The following SYT16 variants were observed in gnomAD, a reference collection of about 807,000 sequenced individuals.
SYT16 encodes synaptotagmin 16.
SYT16 carries 42 observed loss-of-function variants against 61.4 expected under a neutral mutation model. The observed-to-expected ratio is 0.68, with a 90% CI of 0.53 to 0.89. SYT16 has a LOEUF of 0.89. Among genes scored for constraint, SYT16 ranks in the 40% least tolerant of loss-of-function variants. SYT16 has a pLI of 0.00. For missense variants in SYT16, 804 were observed against 807.3 expected (o/e 1.00, Z 0.05); for synonymous variants, 314 against 302.3 (o/e 1.04, Z -0.40).
intron 1 of SYT16, among the ~76,000 whole-genome samples, chr14:61,948,826 G>C (rs2050552472): frequency 6.6e-6 from 1 of 152,178 alleles, no homozygotes; most frequent in East Asian, 1.9e-4. Context: ...TGGTTGAAGT[G>C]ATAGGAAGAG....
At chr14:61,852,689 G>A (rs1211363498) in intron 1 of SYT16, among the ~76,000 whole-genome samples, 1 of 152,070 alleles carries the variant, frequency 6.6e-6, no homozygotes, top group Non-Finnish European at 1.5e-5. Context: ...AATTGTGAGT[G>A]GCAATTCATT....
rs566172189 is a variant in SYT16 at position 61,979,702 on chromosome 14, T to A, written c.-145+9391T>A. 2.6e-5 allele frequency among the ~76,000 whole-genome samples: 4 copies of A among 152,182 alleles called. No individual in the cohort carries two copies. In the South Asian group the frequency reaches 8.3e-4, roughly 32 times the overall value. ...ATCGAGATCATCCTGGCCAACATGG[T>A]GAAACCCCGTCTCTACTAAAAATAC... On this transcript the variant is annotated intron_variant, in intron 2 of 7. Coordinates refer to ENST00000683842, the MANE Select transcript of SYT16 (RefSeq NM_001367656.1).
chr14:62,050,233 T>C (rs58502467), intron 3 of SYT16, among the ~76,000 whole-genome samples: 10,651 of 152,264 alleles, frequency 0.07, 473 homozygotes, highest in East Asian at 0.12. Flanking sequence ...TGTCTTCCTT[T>C]GCTGATACCC....
chr14:62,013,887 C>T (rs1338350267), intron 3 of SYT16, among the ~76,000 whole-genome samples: 1 of 151,952 alleles, frequency 6.6e-6, no homozygotes, highest in East Asian at 1.9e-4. Context: ...TTGCTTGAAC[C>T]TGGGAGGCGG....
At chr14:62,087,656 T>G in intron 7 of SYT16, among the ~76,000 whole-genome samples, 1 of 152,180 alleles carries the variant, frequency 6.6e-6, no homozygotes, top group East Asian at 1.9e-4. Context: ...TCAAAATATA[T>G]CATAAAACAA....
chr14:62,040,012 C>G (rs1186303808), intron 3 of SYT16, among the ~76,000 whole-genome samples: 2 of 152,016 alleles, frequency 1.3e-5, no homozygotes, highest in Admixed American at 1.3e-4. Context: ...AATCTAGCAG[C>G]AATCTTGGTT....
chr14:61,874,963 G>A (rs1196228322), intron 1 of SYT16, among the ~76,000 whole-genome samples: 1 of 152,072 alleles, frequency 6.6e-6, no homozygotes, highest in Admixed American at 6.5e-5. Context: ...TTCTCTTTGG[G>A]GAGAGTTTTA....
intron 1 of SYT16, among the ~76,000 whole-genome samples, chr14:61,900,158 CTTTTT>C (rs5809128): frequency 1.9e-5 from 2 of 106,732 alleles, no homozygotes; most frequent in Admixed American, 9.6e-5. Flanking sequence ...TAAATTTCTG[CTTTTT>C]TTTTTTTTTT....
rs777068453 is a variant in SYT16 at position 62,081,058 on chromosome 14, A to G, written c.1218A>G (p.Ile406Met). 5 of 1,613,618 alleles carry G rather than the reference A, an allele frequency of 3.1e-6. No individual in the cohort carries two copies. Among genetic ancestry groups the G allele is most frequent in the Admixed American group, 3.3e-5 (2 of 59,960 alleles). Residue 406 changes from isoleucine (I) to methionine (M), a missense_variant, in exon 6 of 8, where the codon ATA becomes ATG. Physicochemically the swap from Ile to Met is conservative, Grantham distance 10 (BLOSUM62 1). Transcript: ENST00000683842. ...AGAAACACAGGGGCAGGACGAACAT[A>G]CAGAGAGGGCCCAACCCCGTCTTCA... ...PGKKHRGRTN[I>M]QRGPNPVFRE...
chr14:61,831,859 T>C, intron 1 of SYT16: 1 of 438,522 alleles, frequency 2.3e-6, no homozygotes, highest in Non-Finnish European at 4.4e-6. Context: ...GGACAGCATC[T>C]CTCACTTCTT....
chr14:61,826,229 G>A (rs888391981), intron 1 of SYT16, among the ~76,000 whole-genome samples: 2 of 151,910 alleles, frequency 1.3e-5, no homozygotes, highest in African/African-American at 2.4e-5. Flanking sequence ...ACTCACTCAC[G>A]CTGGGACCAT....
intron 1 of SYT16, among the ~76,000 whole-genome samples, chr14:61,884,651 T>A (rs1157692812): frequency 1.3e-5 from 2 of 152,226 alleles, no homozygotes; most frequent in Non-Finnish European, 2.9e-5. Flanking sequence ...GCGTGACTAC[T>A]TTCCTGTTTC....
intron 3 of SYT16, among the ~76,000 whole-genome samples, chr14:61,999,848 T>C (rs2052921562): frequency 6.6e-6 from 1 of 151,796 alleles, no homozygotes; most frequent in Non-Finnish European, 1.5e-5. Context: ...GTTCCAAATA[T>C]TGGGAATATT....
At chr14:61,905,144 A>G (rs1331086814) in intron 1 of SYT16, among the ~76,000 whole-genome samples, 1 of 152,208 alleles carries the variant, frequency 6.6e-6, no homozygotes, top group Non-Finnish European at 1.5e-5. Flanking sequence ...CTTATGCCCT[A>G]GGGCCATAAA....
chr14:61,966,949 G>A (rs1171555572), intron 1 of SYT16, among the ~76,000 whole-genome samples: 1 of 152,228 alleles, frequency 6.6e-6, no homozygotes, highest in East Asian at 1.9e-4. Context: ...TAGCTGCTGA[G>A]AGTACAATGA....
chr14:61,944,625 C>T (rs922866694), intron 1 of SYT16, among the ~76,000 whole-genome samples: 5 of 151,620 alleles, frequency 3.3e-5, no homozygotes, highest in Admixed American at 1.3e-4. Context: ...CTGACAAAAA[C>T]AAGCAATGGG....
chr14:61,904,768 C>T (rs571851525), intron 1 of SYT16, among the ~76,000 whole-genome samples: 1 of 152,280 alleles, frequency 6.6e-6, no homozygotes. Flanking sequence ...AGCCTTTGGC[C>T]CACTTTTGTC....
intron 3 of SYT16, among the ~76,000 whole-genome samples, chr14:62,001,616 G>T (rs1566753488): frequency 1.3e-5 from 2 of 151,616 alleles, no homozygotes; most frequent in Admixed American, 6.6e-5. Context: ...TATTAGGTCT[G>T]TGGGTTTAAT....
chr14:61,998,187 A>C (rs560026002), intron 3 of SYT16, among the ~76,000 whole-genome samples: 7 of 152,064 alleles, frequency 4.6e-5, no homozygotes, highest in African/African-American at 1.7e-4. Flanking sequence ...ACATACACAT[A>C]TTCTTTTTTT....
Sources: gnomAD v4.1 joint callset for allele counts (sites outside exome capture counted in the v4.1 genomes callset) on GRCh38, gnomAD v4.1.1 for gene constraint, MANE v1.5 for transcripts, NCBI Gene and HGNC (gene_info 2026-07-23, HGNC 2026-07-21) for gene names.